KLF3: variants seen among roughly 807,000 people sequenced by gnomAD.
KLF3 encodes KLF transcription factor 3.
KLF3 carries 6 observed loss-of-function variants against 32.7 expected under a neutral mutation model. The ratio of observed to expected loss-of-function variants is 0.18; its 90% CI spans 0.10 to 0.36. The LOEUF (loss-of-function observed/expected upper bound fraction) is 0.36. Among genes scored for constraint, KLF3 ranks in the 10% least tolerant of loss-of-function variants. The pLI is 1.00. For missense variants in KLF3, 338 were observed against 449.7 expected (o/e 0.75, Z 2.25); for synonymous variants, 145 against 172.8 (o/e 0.84, Z 1.26).
chr4:38,689,833 C>T lies in KLF3; in HGVS notation c.649C>T (p.Pro217Ser), dbSNP rs749567089. Residue 217 changes from proline to serine, a missense_variant, in exon 4 of 6, where the codon CCC (proline) becomes TCC (serine). Physicochemically the swap from Pro to Ser is moderately conservative, Grantham distance 74 (BLOSUM62 -1). Around this residue, in one of 2 missense-constraint regions of KLF3, gnomAD observed 272 missense variants for 313.4 expected, o/e 0.87. Transcript: ENST00000261438. The part of the protein sequence containing the change: ...RTDYYPEEMS[P>S]PLMNSVSPPQ... Reference sequence around the variant, plus strand: ...AGATTATTATCCTGAAGAAATGTCACCCCCCTTAATGAACTCAGTGTCCCC... The same window carrying T: ...AGATTATTATCCTGAAGAAATGTCATCCCCCTTAATGAACTCAGTGTCCCC... The T allele has an allele frequency of 8.9e-7, 1 of 1,128,238 alleles. No homozygotes were observed. Among genetic ancestry groups the T allele is most frequent in the Non-Finnish European group, 1.2e-6 (1 of 810,286 alleles). The allele number at this position is 1,128,238 out of a possible 1,614,324, so 69.9% of individuals were successfully genotyped here.
chr4:38,693,928 A>T (rs1246872363), intron 4 of KLF3, among the ~76,000 whole-genome samples: 3 of 152,208 alleles, frequency 2.0e-5, no homozygotes, highest in Non-Finnish European at 2.9e-5. Context: ...TAATCCACCC[A>T]GGGAAGGTGC....
At chr4:38,680,524 T>C in intron 1 of KLF3, 63 bp from the exon 2 acceptor site, 1 of 835,038 alleles carries the variant, frequency 1.2e-6, no homozygotes, top group East Asian at 2.5e-5. Flanking sequence ...TATATTTTAT[T>C]TTTACTAGTT....
Position 38,671,916 on chromosome 4 carries a change from C to T in KLF3, c.-40+7455C>T, listed in dbSNP as rs1296526745. Reference sequence around the variant, plus strand: ...CCCCTTGCAGTTCCCCCCCACCTGCCTCCTCTCCTCCCTTTCTCGCTTTCT... The same window carrying T: ...CCCCTTGCAGTTCCCCCCCACCTGCTTCCTCTCCTCCCTTTCTCGCTTTCT... On this transcript the variant is annotated intron_variant, in intron 1 of 5. Transcript: ENST00000261438. The surrounding 1 kb of genome is among the most constrained non-coding windows in gnomAD (Gnocchi z 4.4). Among the ~76,000 whole-genome samples the T allele has an allele frequency of 6.6e-6, 1 of 152,098 alleles. No homozygotes were observed. Among genetic ancestry groups the T allele is most frequent in the African/African-American group, 2.4e-5 (1 of 41,426 alleles).
intron 4 of KLF3, chr4:38,690,605 G>A (rs1722848460): frequency 6.6e-6 from 1 of 152,338 alleles, no homozygotes; most frequent in African/African-American, 2.4e-5. Flanking sequence ...ATTATTGATT[G>A]TAGTTGTGAT....
At chr4:38,686,007 G>A (rs969527506) in intron 2 of KLF3, among the ~76,000 whole-genome samples, 6 of 152,150 alleles carry the variant, frequency 3.9e-5, no homozygotes, top group East Asian at 1.9e-4. Flanking sequence ...GATCTCTTGC[G>A]TTGGTACTGT....
chr4:38,672,097 C>T (rs1722213466), intron 1 of KLF3, among the ~76,000 whole-genome samples: 1 of 152,178 alleles, frequency 6.6e-6, no homozygotes, highest in Non-Finnish European at 1.5e-5. Flanking sequence ...GGGGCAATAA[C>T]TTTTCCTTAG....
intron 4 of KLF3, among the ~76,000 whole-genome samples, chr4:38,692,246 A>G (rs1255632570): frequency 6.6e-6 from 1 of 152,208 alleles, no homozygotes; most frequent in African/African-American, 2.4e-5. Flanking sequence ...AATAATCCCA[A>G]ACCATCTCTT....
chr4:38,670,544 C>T (rs1302244876), intron 1 of KLF3, among the ~76,000 whole-genome samples: 2 of 152,226 alleles, frequency 1.3e-5, no homozygotes, highest in Admixed American at 1.3e-4. Context: ...TCACTGAAAT[C>T]CACTCCTTTA....
At position 38,688,675 on chromosome 4, in the gene KLF3, C is replaced by T. The variant is rs1482413031; in HGVS notation, c.148C>T (p.Pro50Ser). ...ATTGCCTGAGAAGTTCTTTCAGACC[C>T]CAGAAGGTCTGTCGCACGGAATACA... ...TPLPEKFFQTPEGLSHGIQME... is the reference protein window; with the variant it reads ...TPLPEKFFQTSEGLSHGIQME... The change falls in exon 3 of 6, where the codon CCA becomes TCA. Residue 50 changes from proline (P) to serine (S), a missense_variant. By Grantham distance (74) the Pro-to-Ser change is moderately conservative. Around this residue, in one of 2 missense-constraint regions of KLF3, gnomAD observed 272 missense variants for 313.4 expected, o/e 0.87. Coordinates refer to ENST00000261438, the MANE Select transcript of KLF3 (RefSeq NM_016531.6). This position sits in a 1 kb window ranked among gnomAD's most constrained non-coding sequence, Gnocchi z 4.9. 6.2e-7 allele frequency: 1 copy of T among 1,614,042 alleles called. No individual in the cohort carries two copies. The highest frequency in any genetic ancestry group is 8.5e-7 in the Non-Finnish European group (1 of 1,180,036).
chr4:38,674,418 C>G lies in KLF3; in HGVS notation c.-39-6169C>G, dbSNP rs898973576. ...TTTTCCTAGCCAAGAATTACACACA[C>G]ACATGCACACACCGCCTTTTTTTTT... On this transcript the variant is annotated intron_variant, in intron 1 of 5. Transcript: ENST00000261438. The surrounding 1 kb of genome is among the most constrained non-coding windows in gnomAD (Gnocchi z 4.1). Among the ~76,000 whole-genome samples, 13 of 150,296 alleles carry G rather than the reference C, an allele frequency of 8.6e-5. No homozygotes were observed. The highest frequency in any genetic ancestry group is 2.9e-4 in the African/African-American group (12 of 40,904).
chr4:38,679,963 G>T lies in KLF3; in HGVS notation c.-39-624G>T, dbSNP rs1357838111. Among the ~76,000 whole-genome samples, 4 of 152,290 alleles carry T rather than the reference G, an allele frequency of 2.6e-5. No individual in the cohort carries two copies. In the South Asian group the frequency reaches 8.3e-4, roughly 32 times the overall value. On this transcript the variant is annotated intron_variant, in intron 1 of 5. Coordinates refer to ENST00000261438, the MANE Select transcript of KLF3 (RefSeq NM_016531.6). Reference sequence around the variant, plus strand: ...ATGTAATCTGAACCCCTAAAGAGTTGCACGGCAATCCCAAGCAAGCTTTGG... The same window carrying T: ...ATGTAATCTGAACCCCTAAAGAGTTTCACGGCAATCCCAAGCAAGCTTTGG...
chr4:38,687,533 G>C (rs1049851813), intron 2 of KLF3, among the ~76,000 whole-genome samples: 10 of 152,206 alleles, frequency 6.6e-5, no homozygotes, highest in African/African-American at 2.4e-4. Flanking sequence ...AATGAGGTCA[G>C]TTGTGGACCA....
At chr4:38,680,204 A>ATTAT in intron 1 of KLF3, among the ~76,000 whole-genome samples, 1 of 151,786 alleles carries the variant, frequency 6.6e-6, no homozygotes. Flanking sequence ...ATTTCATTTT[A>ATTAT]TTATTTATTT....
At position 38,698,625 on chromosome 4, in the gene KLF3, A is replaced by C. The variant is rs1723118493; in HGVS notation, c.*1362A>C. The C allele has an allele frequency of 6.6e-6, 1 of 152,506 alleles. No individual in the cohort carries two copies. The highest frequency in any genetic ancestry group is 2.4e-5 in the African/African-American group (1 of 41,462). 9.4% of individuals were successfully genotyped at this position (152,506 alleles called of 1,614,324 possible). On this transcript the variant is annotated 3_prime_UTR_variant, in exon 6 of 6. Transcript: ENST00000261438. ...CCAAAAGTTTACTGTTAGAGTTGGC[A>C]ATTTCCTATCACTATTTCAGTGTCA...
intron 1 of KLF3, among the ~76,000 whole-genome samples, chr4:38,666,405 C>T (rs75744132): frequency 4.7e-5 from 7 of 148,900 alleles, no homozygotes; most frequent in African/African-American, 1.7e-4. Flanking sequence ...TTTTTCCTTA[C>T]CTGTACTTAG....
At chr4:38,668,451 A>C (rs1722105479) in intron 1 of KLF3, among the ~76,000 whole-genome samples, 1 of 152,150 alleles carries the variant, frequency 6.6e-6, no homozygotes, top group Non-Finnish European at 1.5e-5. Context: ...GTGCGTTTTA[A>C]ATGTCACATT....
At chr4:38,692,949 A>G (rs1457419063) in intron 4 of KLF3, among the ~76,000 whole-genome samples, 1 of 151,622 alleles carries the variant, frequency 6.6e-6, no homozygotes, top group Non-Finnish European at 1.5e-5. Context: ...TTAAAAATAA[A>G]CTGAACTTTT....
chr4:38,688,704 G>A lies in KLF3; in HGVS notation c.177G>A (p.Met59Ile), dbSNP rs781573258. The A allele has an allele frequency of 6.2e-7, 1 of 1,614,174 alleles. No individual in the cohort carries two copies. Among genetic ancestry groups the A allele is most frequent in the East Asian group, 2.2e-5 (1 of 44,880 alleles). ...TPEGLSHGIQ[M>I]EPVDLTVNKR... ...AAGGTCTGTCGCACGGAATACAGAT[G>A]GAGCCAGTGGACCTCACGGTGAACA... The change falls in exon 3 of 6, where the codon ATG becomes ATA. Residue 59 changes from methionine to isoleucine, a missense_variant. Transcript: ENST00000261438. The surrounding 1 kb of genome is among the most constrained non-coding windows in gnomAD (Gnocchi z 4.9).
intron 1 of KLF3, among the ~76,000 whole-genome samples, chr4:38,667,246 A>G (rs983649124): frequency 6.6e-6 from 1 of 152,220 alleles, no homozygotes; most frequent in African/African-American, 2.4e-5. Flanking sequence ...TCTCCAGCAC[A>G]GCCAGCAGAG....
Sources: allele counts gnomAD v4.1 joint callset (sites outside exome capture counted in the v4.1 genomes callset), GRCh38; gene constraint gnomAD v4.1.1; regional missense constraint gnomAD v4.1.1; non-coding constraint Gnocchi (gnomAD v3.1); transcripts MANE v1.5; gene names NCBI Gene and HGNC (gene_info 2026-07-23, HGNC 2026-07-21).